Variants in ARHGAP28 observed in about 807,000 individuals in gnomAD.
The protein encoded by ARHGAP28 is rho GTPase-activating protein 28.
Under a neutral mutation model 90.7 loss-of-function variants are expected in ARHGAP28, and 56 were observed. The ratio of observed to expected loss-of-function variants is 0.62; its 90% CI spans 0.50 to 0.77. The LOEUF (loss-of-function observed/expected upper bound fraction) is 0.77. ARHGAP28 is among the 30% of genes least tolerant of loss of function. The pLI is 0.00. For missense variants in ARHGAP28, 869 were observed against 900.9 expected, an observed-to-expected ratio of 0.96 and a Z score of 0.45; for synonymous variants, 308 against 323.3, an observed-to-expected ratio of 0.95 and a Z score of 0.51.
intron 1 of ARHGAP28, among the ~76,000 whole-genome samples, chr18:6,740,743 C>T (rs974341620): frequency 6.6e-6 from 1 of 152,142 alleles, no homozygotes; most frequent in African/African-American, 2.4e-5. Context: ...GAGTATGTTG[C>T]TAATGAGAAC....
intron 3 of ARHGAP28, 44 bp downstream of exon 3, chr18:6,837,458 C>T: frequency 1.3e-6 from 1 of 762,700 alleles, no homozygotes. Context: ...CCTAGTTTGA[C>T]TGGGGATGGG....
intron 3 of ARHGAP28, among the ~76,000 whole-genome samples, chr18:6,839,453 C>A (rs1254115288): frequency 2.0e-5 from 3 of 152,114 alleles, no homozygotes; most frequent in Non-Finnish European, 4.4e-5. Context: ...GCCACCACGC[C>A]TGGCTAATTT....
At chr18:6,737,441 A>G (rs1248937399) in intron 1 of ARHGAP28, among the ~76,000 whole-genome samples, 4 of 152,186 alleles carry the variant, frequency 2.6e-5, no homozygotes, top group African/African-American at 9.7e-5. Context: ...GAAAGTCTTT[A>G]GCAGTACTTT....
At chr18:6,881,587 G>T (rs964541587) in intron 10 of ARHGAP28, among the ~76,000 whole-genome samples, 1 of 152,168 alleles carries the variant, frequency 6.6e-6, no homozygotes, top group African/African-American at 2.4e-5. Context: ...CATGTGGAAG[G>T]CATGTGTCTG....
chr18:6,789,411 A>G (rs967539092), intron 1 of ARHGAP28: 2 of 152,058 alleles, frequency 1.3e-5, no homozygotes, highest in African/African-American at 4.8e-5. Flanking sequence ...GTCTCTACTA[A>G]AAAAAATAAA....
At chr18:6,837,449 C>T (rs775727611) in intron 3 of ARHGAP28, 35 bp downstream of exon 3, 5 of 1,044,446 alleles carry the variant, frequency 4.8e-6, no homozygotes, top group Non-Finnish European at 7.3e-6. Flanking sequence ...CAAAAGGCGC[C>T]TAGTTTGACT....
intron 7 of ARHGAP28, among the ~76,000 whole-genome samples, chr18:6,872,670 C>A (rs2057099326): frequency 1.3e-5 from 2 of 151,946 alleles, no homozygotes; most frequent in African/African-American, 4.8e-5. Flanking sequence ...TCTAAAAGGT[C>A]TTGCTGCTGA....
At chr18:6,870,279 T>G (rs1267725012) in intron 6 of ARHGAP28, among the ~76,000 whole-genome samples, 3 of 152,194 alleles carry the variant, frequency 2.0e-5, no homozygotes, top group African/African-American at 7.2e-5. Flanking sequence ...TATATAGAAA[T>G]ACCCTATTTT....
chr18:6,856,322 A>G (rs967196028), intron 4 of ARHGAP28, among the ~76,000 whole-genome samples: 1 of 152,316 alleles, frequency 6.6e-6, no homozygotes, highest in Non-Finnish European at 1.5e-5. Flanking sequence ...AATCTCTAAT[A>G]TACCCATTAT....
At chr18:6,801,121 A>G (rs1252845250) in intron 1 of ARHGAP28, among the ~76,000 whole-genome samples, 1 of 152,134 alleles carries the variant, frequency 6.6e-6, no homozygotes, top group African/African-American at 2.4e-5. Flanking sequence ...AGAAGTTTTA[A>G]AAGGTTTTAG....
chr18:6,868,213 C>A lies in ARHGAP28; in HGVS notation c.790C>A (p.Pro264Thr), dbSNP rs191955313. The A allele has an allele frequency of 1.9e-6, 3 of 1,613,966 alleles. No individual in the cohort carries two copies. The highest frequency in any genetic ancestry group is 2.5e-6 in the Non-Finnish European group (3 of 1,179,978). ...CAATGGATCACCGGAGCCTGGACAG[C>A]CAGTTCAGAATGCGATAAGTGGTGA... is the stretch of plus-strand genomic sequence containing the variant. ...HSNGSPEPGQ[P>T]VQNAISDDDF... Residue 264 changes from proline (P) to threonine (T), a missense_variant, in exon 6 of 18, where the codon CCA becomes ACA. By Grantham distance (38) the Pro-to-Thr change is conservative (BLOSUM62 -1). Coordinates refer to ENST00000383472, the MANE Select transcript of ARHGAP28 (RefSeq NM_001366230.1).
intron 17 of ARHGAP28, among the ~76,000 whole-genome samples, chr18:6,910,523 C>T (rs2057390260): frequency 6.6e-6 from 1 of 152,080 alleles, no homozygotes. Flanking sequence ...CCAGGATGCC[C>T]TCCCCCCAGA....
intron 1 of ARHGAP28, among the ~76,000 whole-genome samples, chr18:6,758,696 C>T (rs1279796916): frequency 1.3e-5 from 2 of 152,160 alleles, no homozygotes; most frequent in Non-Finnish European, 2.9e-5. Context: ...GTCCAGTTTT[C>T]CTCCTAGCTG....
chr18:6,846,014 C>G (rs1567968391), intron 3 of ARHGAP28, among the ~76,000 whole-genome samples: 1 of 152,128 alleles, frequency 6.6e-6, no homozygotes, highest in Non-Finnish European at 1.5e-5. Flanking sequence ...TGAGATGAAT[C>G]CCATGCATGA....
rs377396109 is a variant in ARHGAP28, at chr18:6,742,691, A to C, written c.122+12748A>C. Among the ~76,000 whole-genome samples the C allele has an allele frequency of 5.9e-5, 9 of 152,288 alleles. 2 individuals carry two copies. Among genetic ancestry groups the C allele is most frequent in the East Asian group, 3.9e-4 (2 of 5,166 alleles). On this transcript the variant is annotated intron_variant, in intron 1 of 17. Transcript: ENST00000383472. ...AAGTTCTAAGCTATTTATTCATGGG[A>C]GACTTCAGCATTTGGGGGATGGTTA...
chr18:6,827,319 G>C (rs1292905406), intron 2 of ARHGAP28, among the ~76,000 whole-genome samples: 1 of 147,414 alleles, frequency 6.8e-6, no homozygotes, highest in African/African-American at 2.5e-5. Flanking sequence ...GCGGGGGGCT[G>C]AACCCTCCAC....
chr18:6,785,724 G>T (rs546096939), intron 1 of ARHGAP28, among the ~76,000 whole-genome samples: 1 of 152,232 alleles, frequency 6.6e-6, no homozygotes, highest in Non-Finnish European at 1.5e-5. Flanking sequence ...TACCGTGCCT[G>T]TGATGTATAA....
At chr18:6,778,501 G>A (rs976130251) in intron 1 of ARHGAP28, among the ~76,000 whole-genome samples, 34 of 152,312 alleles carry the variant, frequency 2.2e-4, no homozygotes, top group African/African-American at 7.2e-4. Flanking sequence ...AAGGCACAGG[G>A]TAGAGAGTCC....
At chr18:6,834,332 A>C (rs2056736827) in intron 2 of ARHGAP28, 3 of 152,316 alleles carry the variant, frequency 2.0e-5, no homozygotes, top group Admixed American at 6.5e-5. Context: ...TGATGAGTTC[A>C]GGGAAAAAGA....
Sources: allele counts gnomAD v4.1 joint callset (sites outside exome capture counted in the v4.1 genomes callset), GRCh38; gene constraint gnomAD v4.1.1; transcripts MANE v1.5; gene names NCBI Gene and HGNC (gene_info 2026-07-23, HGNC 2026-07-21).